Variants in PTPRD observed in about 807,000 individuals in gnomAD.
PTPRD encodes the protein receptor-type tyrosine-protein phosphatase delta.
PTPRD carries 34 observed loss-of-function variants against 214.5 expected under a neutral mutation model. The observed-to-expected ratio is 0.16, with a 90% CI of 0.12 to 0.21. The LOEUF is 0.21. Ranked by LOEUF, PTPRD falls within the 10% of genes least tolerant of loss-of-function variation. PTPRD has a pLI of 1.00. For synonymous variants in PTPRD, 1,128 were observed against 845.7 expected, an observed-to-expected ratio of 1.33 and a Z score of -5.79; for missense variants, 2,545 against 2,398.7, an observed-to-expected ratio of 1.06 and a Z score of -1.27.
chr9:9,298,834 G>T (rs532587861), intron 9 of PTPRD, among the ~76,000 whole-genome samples: 1 of 151,756 alleles, frequency 6.6e-6, no homozygotes, highest in East Asian at 1.9e-4. Context: ...TTGTATATAA[G>T]AAAAAGTTAT....
intron 7 of PTPRD, among the ~76,000 whole-genome samples, chr9:9,601,148 T>A (rs780832454): frequency 0.14 from 13,076 of 94,104 alleles, 806 homozygotes; most frequent in Middle Eastern, 0.23. Flanking sequence ...TGTGTGTGTG[T>A]GTATGGGGGG....
chr9:8,610,005 A>G (rs2095385545), intron 14 of PTPRD, among the ~76,000 whole-genome samples: 1 of 152,178 alleles, frequency 6.6e-6, no homozygotes, highest in Non-Finnish European at 1.5e-5. Context: ...CCCTATTAGT[A>G]AAGTGGGAGA....
chr9:9,522,314 A>G (rs967978159), intron 8 of PTPRD, among the ~76,000 whole-genome samples: 4 of 152,078 alleles, frequency 2.6e-5, no homozygotes, highest in Non-Finnish European at 4.4e-5. Flanking sequence ...GTAAAGTTTC[A>G]TTTCTAGCTA....
intron 10 of PTPRD, among the ~76,000 whole-genome samples, chr9:9,049,278 AT>A (rs1210025470): frequency 6.6e-6 from 1 of 152,200 alleles, no homozygotes; most frequent in Non-Finnish European, 1.5e-5. Flanking sequence ...TTATCAAGTC[AT>A]TTCTGTAAGG....
At chr9:10,260,535 T>G (rs1257708283) in intron 3 of PTPRD, among the ~76,000 whole-genome samples, 1 of 152,168 alleles carries the variant, frequency 6.6e-6, no homozygotes, top group Non-Finnish European at 1.5e-5. Flanking sequence ...AATAGAAAAC[T>G]TGATTTTATC....
chr9:8,947,990 A>T (rs2099076153), intron 11 of PTPRD, among the ~76,000 whole-genome samples: 2 of 148,158 alleles, frequency 1.3e-5, no homozygotes, highest in Non-Finnish European at 1.5e-5. Context: ...TTATGTCCAG[A>T]CCTTATACCC....
At chr9:9,444,993 G>A (rs1452286184) in intron 8 of PTPRD, among the ~76,000 whole-genome samples, 2 of 152,062 alleles carry the variant, frequency 1.3e-5, no homozygotes, top group African/African-American at 2.4e-5. Context: ...TTCAAATAGT[G>A]TTTTAAATTA....
At chr9:10,514,411 A>T (rs1044138067) in intron 2 of PTPRD, among the ~76,000 whole-genome samples, 55 of 151,520 alleles carry the variant, frequency 3.6e-4, no homozygotes, top group African/African-American at 1.3e-3. Context: ...GCATTTAATC[A>T]TATATAGTAT....
chr9:9,576,497 G>A lies in PTPRD; in HGVS notation c.-286-1716C>T, dbSNP rs898794939. On this transcript the variant is annotated intron_variant, in intron 7 of 45. Coordinates refer to ENST00000381196, the MANE Select transcript of PTPRD (RefSeq NM_002839.4). ...AGATCTATTCCTTATTGACATTTGT[G>A]AAAGGAGAATCCTCTCAAAAAAATC... Among the ~76,000 whole-genome samples the A allele has an allele frequency of 1.1e-4, 17 of 151,948 alleles. No individual in the cohort carries two copies. In the East Asian group the frequency reaches 2.7e-3, roughly 24 times the overall value.
chr9:9,046,682 T>C (rs2154387605), intron 10 of PTPRD, among the ~76,000 whole-genome samples: 1 of 152,272 alleles, frequency 6.6e-6, no homozygotes, highest in South Asian at 2.1e-4. Context: ...TTGCAAGACA[T>C]GAAATCTCTT....
intron 8 of PTPRD, among the ~76,000 whole-genome samples, chr9:9,526,726 G>A (rs964625357): frequency 6.6e-6 from 1 of 151,998 alleles, no homozygotes; most frequent in Middle Eastern, 3.2e-3. Context: ...TAATTATTTA[G>A]AGCATTTCAC....
chr9:9,734,205 C>T lies in PTPRD; in HGVS notation c.-287+328G>A, dbSNP rs564588819. On this transcript the variant is annotated intron_variant, in intron 7 of 45. Coordinates refer to ENST00000381196, the MANE Select transcript of PTPRD (RefSeq NM_002839.4). ...TGATCTATTTTTAAAGAAAAATTTT[C>T]CACATTTTACCGCATAATCCTCTGT... Among the ~76,000 whole-genome samples, 9 of 152,194 alleles carry T rather than the reference C, an allele frequency of 5.9e-5. No individual in the cohort carries two copies. In the East Asian group the frequency reaches 1.2e-3, roughly 20 times the overall value.
rs78560298 is a variant in PTPRD at position 10,132,166 on chromosome 9, T to C, written c.-544-98376A>G. ...AGACATTGGGTAATTTGTGATCTTT[T>C]TGTAGATTATGAAGTTAAAAAAAAA... On this transcript the variant is annotated intron_variant, in intron 3 of 45. Coordinates refer to ENST00000381196, the MANE Select transcript of PTPRD (RefSeq NM_002839.4). Among the ~76,000 whole-genome samples, 505 of 152,254 alleles carry C rather than the reference T, an allele frequency of 3.3e-3. 4 individuals are homozygous for C. Among genetic ancestry groups the C allele is most frequent in the African/African-American group, 0.011 (460 of 41,570 alleles).
intron 7 of PTPRD, among the ~76,000 whole-genome samples, chr9:9,730,429 T>C (rs2098168461): frequency 6.6e-6 from 1 of 152,092 alleles, no homozygotes; most frequent in Non-Finnish European, 1.5e-5. Context: ...TGACATGGTT[T>C]TACAGGTATA....
intron 2 of PTPRD, among the ~76,000 whole-genome samples, chr9:10,568,985 A>C (rs1313001149): frequency 6.6e-6 from 1 of 152,156 alleles, no homozygotes; most frequent in African/African-American, 2.4e-5. Flanking sequence ...GTGAACAGGC[A>C]ACCTACAGAA....
chr9:9,589,000 C>T (rs184839503), intron 7 of PTPRD, among the ~76,000 whole-genome samples: 2 of 151,836 alleles, frequency 1.3e-5, no homozygotes, highest in Admixed American at 1.3e-4. Flanking sequence ...AATTTTTGTT[C>T]AATTTTAATT....
intron 11 of PTPRD, among the ~76,000 whole-genome samples, chr9:9,013,568 T>A (rs1384899630): frequency 1.3e-5 from 2 of 152,150 alleles, no homozygotes; most frequent in Admixed American, 6.6e-5. Context: ...TCTCTTTCTT[T>A]CCGTGGGATA....
At chr9:8,766,859 C>T (rs1483412552) in intron 11 of PTPRD, among the ~76,000 whole-genome samples, 1 of 152,040 alleles carries the variant, frequency 6.6e-6, no homozygotes, top group Non-Finnish European at 1.5e-5. Flanking sequence ...AGACATATGC[C>T]ATAGGAACTT....
intron 39 of PTPRD, among the ~76,000 whole-genome samples, chr9:8,351,646 T>C (rs1564181472): frequency 6.7e-6 from 1 of 149,716 alleles, no homozygotes. Context: ...TAGCCCAGAC[T>C]TAGTCCTGCC....
Sources: allele counts gnomAD v4.1 joint callset (sites outside exome capture counted in the v4.1 genomes callset), GRCh38; gene constraint gnomAD v4.1.1; transcripts MANE v1.5; gene names NCBI Gene and HGNC (gene_info 2026-07-23, HGNC 2026-07-21).